SGCE: variants seen among roughly 807,000 people sequenced by gnomAD.
The protein encoded by SGCE is epsilon-sarcoglycan.
In SGCE, 26 loss-of-function variants were observed where a neutral mutation model predicts 57.8. That is an observed-to-expected ratio of 0.45 (90% CI 0.33 to 0.62). The LOEUF (loss-of-function observed/expected upper bound fraction) is 0.62. SGCE is among the 20% of genes least tolerant of loss of function. The pLI, the probability that SGCE is intolerant of heterozygous loss-of-function variation, is 0.02. For missense variants in SGCE, 468 were observed against 548.6 expected (o/e 0.85, Z 1.47); for synonymous variants, 183 against 189.5 (o/e 0.97, Z 0.28).
Position 94,656,054 on chromosome 7 carries a change from C to A in SGCE, c.45G>T (p.Trp15Cys). 1.2e-6 allele frequency: 2 copies of A among 1,613,528 alleles called. 1 individual carries two copies. Among genetic ancestry groups the A allele is most frequent in the South Asian group, 2.2e-5 (2 of 91,068 alleles). ...TGCGTGTCCCCCGACCCTGTCCCGT[C>A]CAAGCACAGGGGTCTCCCAGCTCCC... is the stretch of plus-strand genomic sequence containing the variant. ...RWWELGDPCA[W>C]TGQGRGTRRM... The change falls in exon 1 of 11, where the codon TGG becomes TGT. Residue 15 changes from tryptophan to cysteine, a missense_variant. Transcript: ENST00000648936.
chr7:94,622,752 A>G (rs1803009422), intron 4 of SGCE: 1 of 152,184 alleles, frequency 6.6e-6, no homozygotes, highest in African/African-American at 2.4e-5. Context: ...ATTCTTAGGA[A>G]ATCACTTACA....
At chr7:94,644,546 C>A in intron 1 of SGCE, 1 of 663,118 alleles carries the variant, frequency 1.5e-6, no homozygotes, top group Non-Finnish European at 2.3e-6. Flanking sequence ...ATTCAGACAT[C>A]ACTGTCCAAG....
chr7:94,654,140 T>G (rs1808266035), intron 1 of SGCE, among the ~76,000 whole-genome samples: 1 of 152,154 alleles, frequency 6.6e-6, no homozygotes, highest in African/African-American at 2.4e-5. Flanking sequence ...CTTTAGAGTT[T>G]TCTAGGGTTT....
At chr7:94,595,302 A>G (rs1225726829) in intron 9 of SGCE, among the ~76,000 whole-genome samples, 1 of 152,180 alleles carries the variant, frequency 6.6e-6, no homozygotes, top group Non-Finnish European at 1.5e-5. Context: ...TAAAGGAACA[A>G]ACTAGTTTTA....
intron 10 of SGCE, among the ~76,000 whole-genome samples, chr7:94,585,860 G>A (rs147774413): frequency 6.6e-6 from 1 of 151,456 alleles, no homozygotes; most frequent in Admixed American, 6.6e-5. Flanking sequence ...ATATCATGTG[G>A]GCTGGTAGGG....
chr7:94,592,414 T>C (rs1028878475), intron 9 of SGCE, among the ~76,000 whole-genome samples: 2 of 152,136 alleles, frequency 1.3e-5, no homozygotes, highest in African/African-American at 4.8e-5. Context: ...CCTATAATCC[T>C]TCCAAGGAGG....
intron 9 of SGCE, among the ~76,000 whole-genome samples, chr7:94,592,599 T>G (rs1482659732): frequency 6.6e-6 from 1 of 152,170 alleles, no homozygotes; most frequent in African/African-American, 2.4e-5. Flanking sequence ...TTGTGTAAAT[T>G]AGTCATTGCA....
At chr7:94,588,323 G>A (rs190841847) in intron 10 of SGCE, 2 of 1,076,642 alleles carry the variant, frequency 1.9e-6, no homozygotes, top group East Asian at 1.4e-4. Context: ...AAGAGAGCTT[G>A]AAACTTCAAG....
At chr7:94,644,811 G>T in intron 1 of SGCE, 3 of 275,032 alleles carry the variant, frequency 1.1e-5, no homozygotes, top group South Asian at 6.4e-5. Flanking sequence ...CTTCTTTTAT[G>T]CAATTCTCCT....
intron 4 of SGCE, among the ~76,000 whole-genome samples, chr7:94,622,944 T>C (rs1803042496): frequency 6.6e-6 from 1 of 152,052 alleles, no homozygotes; most frequent in Non-Finnish European, 1.5e-5. Flanking sequence ...ATAAAACTAG[T>C]TAGTAATTAT....
chr7:94,599,661 A>C, intron 8 of SGCE, 36 bp downstream of exon 8: 1 of 1,596,924 alleles, frequency 6.3e-7, no homozygotes. Flanking sequence ...GGTGGGAAAA[A>C]ATGATGAAGA....
At chr7:94,650,405 A>G (rs1200127827) in intron 1 of SGCE, among the ~76,000 whole-genome samples, 1 of 152,116 alleles carries the variant, frequency 6.6e-6, no homozygotes, top group African/African-American at 2.4e-5. Flanking sequence ...GGAAAGAGTA[A>G]TTCTAGGAAG....
chr7:94,634,420 C>T (rs1805248359), intron 1 of SGCE, among the ~76,000 whole-genome samples: 1 of 152,114 alleles, frequency 6.6e-6, no homozygotes, highest in Non-Finnish European at 1.5e-5. Flanking sequence ...ACTGTGGGTC[C>T]CAGTCTGCTA....
chr7:94,607,748 T>A (rs1800376045), intron 5 of SGCE, among the ~76,000 whole-genome samples: 1 of 152,216 alleles, frequency 6.6e-6, no homozygotes, highest in Non-Finnish European at 1.5e-5. Context: ...CTCATCACTG[T>A]TTTTTAACAT....
In SGCE at chr7:94,656,081, C is replaced by A. The variant is rs1408233096; in HGVS notation, c.18G>T (p.Trp6Cys). Residue 6 changes from tryptophan to cysteine, a missense_variant, in exon 1 of 11, where the codon TGG becomes TGT. Physicochemically the swap from Trp to Cys is radical, Grantham distance 215 (BLOSUM62 -2). Transcript: ENST00000648936. ...AAGCACAGGGGTCTCCCAGCTCCCA[C>A]CACCGGGGCAATTGCATTCTTGGCC... MQLPR[W>C]WELGDPCAWT... 1.2e-6 allele frequency: 2 copies of A among 1,610,858 alleles called. No individual in the cohort carries two copies. Among genetic ancestry groups the A allele is most frequent in the Non-Finnish European group, 1.7e-6 (2 of 1,177,240 alleles).
rs562608486 is a variant in SGCE, at chr7:94,649,556, C to G, written c.109+6434G>C. Among the ~76,000 whole-genome samples the G allele has an allele frequency of 2.1e-3, 326 of 152,268 alleles. 1 individual carries two copies. The highest frequency in any genetic ancestry group is 3.4e-3 in the Non-Finnish European group (230 of 68,014). On this transcript the variant is annotated intron_variant, in intron 1 of 10. Coordinates refer to ENST00000648936, the MANE Select transcript of SGCE (RefSeq NM_003919.3). ...GAAACTCATCTTTGAGCTTTTCTGT[C>G]TTGGAAATATGAACTCAGCCCAAGA... is the stretch of plus-strand genomic sequence containing the variant.
Position 94,600,863 on chromosome 7 carries a change from A to G in SGCE, c.826-6T>C, listed in dbSNP as rs776967750. The G allele has an allele frequency of 3.1e-6, 5 of 1,600,850 alleles. No homozygotes were observed. In the Admixed American group the frequency reaches 5.0e-5, roughly 16 times the overall value. ...ACTTGCTTTGTTTTATCAACCTGATATAAAAGAAGACAATTACACAACAAA... is the reference window on the plus strand; with the variant it reads ...ACTTGCTTTGTTTTATCAACCTGATGTAAAAGAAGACAATTACACAACAAA... On this transcript the variant is annotated splice_polypyrimidine_tract_variant and splice_region_variant and intron_variant, in intron 6 of 10. Transcript: ENST00000648936.
At chr7:94,628,080 A>C (rs1804021809) in intron 3 of SGCE, 122 bp downstream of exon 3, 2 of 725,154 alleles carry the variant, frequency 2.8e-6, no homozygotes, top group Admixed American at 4.3e-5. Flanking sequence ...CATGCACAAA[A>C]TATTAAAAAC....
At chr7:94,647,953 T>G (rs1807334828) in intron 1 of SGCE, among the ~76,000 whole-genome samples, 1 of 152,160 alleles carries the variant, frequency 6.6e-6, no homozygotes. Flanking sequence ...TCAAATAATC[T>G]TGAAAAAAAC....
Sources: allele counts gnomAD v4.1 joint callset (sites outside exome capture counted in the v4.1 genomes callset), GRCh38; gene constraint gnomAD v4.1.1; transcripts MANE v1.5; gene names NCBI Gene and HGNC (gene_info 2026-07-23, HGNC 2026-07-21).